The following RBPJ variants were observed in gnomAD, a reference collection of about 807,000 sequenced individuals.
RBPJ encodes recombining binding protein suppressor of hairless.
RBPJ carries 9 observed loss-of-function variants against 67.8 expected under a neutral mutation model. The ratio of observed to expected loss-of-function variants is 0.13; its 90% CI spans 0.08 to 0.23. The LOEUF is 0.23. Ranked by LOEUF, RBPJ falls within the 10% of genes least tolerant of loss-of-function variation. The pLI, the probability that RBPJ is intolerant of heterozygous loss-of-function variation, is 1.00. For synonymous variants in RBPJ, 198 were observed against 203.3 expected (o/e 0.97, Z 0.22); for missense variants, 305 against 595.6 (o/e 0.51, Z 5.08).
At chr4:26,290,305 C>T (rs1202283454) in intron 1 of RBPJ, among the ~76,000 whole-genome samples, 13 of 126,162 alleles carry the variant, frequency 1.0e-4, no homozygotes, top group African/African-American at 3.8e-4. Context: ...CACCACAGAA[C>T]GAGACCCTGT....
At chr4:26,113,353 G>A in the RBPJ span, 1 of 539,784 alleles carries the variant, frequency 1.9e-6, no homozygotes, top group Non-Finnish European at 3.6e-6. Context: ...AAACCTTGTG[G>A]GAGAAGTCAA....
At chr4:26,282,134 CTCTTTTTTTTT>C (rs1442976283) in intron 1 of RBPJ, among the ~76,000 whole-genome samples, 1 of 126,592 alleles carries the variant, frequency 7.9e-6, no homozygotes, top group African/African-American at 3.2e-5. Flanking sequence ...CTCTCTCTCT[CTCTTTTTTTTT>C]TTTTTTTTTT....
upstream of RBPJ, among the ~76,000 whole-genome samples, chr4:26,316,513 A>ATG (rs1463880199): frequency 3.2e-5 from 4 of 125,812 alleles, no homozygotes; most frequent in African/African-American, 1.1e-4. Context: ...ATATATTCAT[A>ATG]TATATTCATA....
intron 1 of RBPJ, among the ~76,000 whole-genome samples, chr4:26,197,118 A>G (rs1717793089): frequency 6.6e-6 from 1 of 152,216 alleles, no homozygotes; most frequent in South Asian, 2.1e-4. Context: ...AGGTTTAATT[A>G]TAATGTTCAT....
At chr4:26,249,716 T>C (rs1321725457) in intron 1 of RBPJ, among the ~76,000 whole-genome samples, 1 of 151,988 alleles carries the variant, frequency 6.6e-6, no homozygotes. Context: ...ACCAACCTAG[T>C]AACTTTTTAA....
intron 1 of RBPJ, among the ~76,000 whole-genome samples, chr4:26,349,130 T>G (rs1054240605): frequency 3.3e-5 from 5 of 151,650 alleles, no homozygotes; most frequent in African/African-American, 1.2e-4. Context: ...TGCAGTGGCG[T>G]TCTCACAGCT....
chr4:26,255,540 A>G (rs184841411), intron 1 of RBPJ, among the ~76,000 whole-genome samples: 8 of 150,368 alleles, frequency 5.3e-5, no homozygotes, highest in African/African-American at 2.0e-4. Flanking sequence ...TGGTGGCTCA[A>G]GCCTGTAATC....
At chr4:26,144,467 G>T in the RBPJ span, among the ~76,000 whole-genome samples, 12 of 151,602 alleles carry the variant, frequency 7.9e-5, no homozygotes, top group African/African-American at 2.9e-4. Flanking sequence ...ATGGGTTTTC[G>T]CCTTGTTGGC....
At chr4:26,181,052 G>C (rs1367675052) in intron 1 of RBPJ, among the ~76,000 whole-genome samples, 3 of 152,062 alleles carry the variant, frequency 2.0e-5, no homozygotes, top group African/African-American at 4.8e-5. Context: ...GCTCTTCCTT[G>C]GTCTTCTGCC....
At chr4:26,154,932 A>T in the RBPJ span, among the ~76,000 whole-genome samples, 3 of 152,204 alleles carry the variant, frequency 2.0e-5, no homozygotes, top group Non-Finnish European at 4.4e-5. Context: ...ACCCCCCACC[A>T]GGCTTCACCT....
Position 26,215,275 on chromosome 4 carries a change from A to G in RBPJ, c.-167+51661A>G, listed in dbSNP as rs1248397843. ...AGAAAGAAAGGAAGGGAGGGAGGAA[A>G]AAGAGAGAGAAAGAAAGAGAAAAAG... On this transcript the variant is annotated intron_variant, in intron 1 of 4. Transcript: ENST00000512351. Among the ~76,000 whole-genome samples the G allele has an allele frequency of 1.7e-4, 2 of 11,920 alleles. 1 individual carries two copies. Among genetic ancestry groups the G allele is most frequent in the Non-Finnish European group, 2.7e-4 (2 of 7,394 alleles). The allele number at this position is 11,920 out of a possible 152,430, so 7.8% of individuals were successfully genotyped here.
At chr4:26,204,423 T>A (rs971831873) in intron 1 of RBPJ, among the ~76,000 whole-genome samples, 1 of 152,188 alleles carries the variant, frequency 6.6e-6, no homozygotes. Context: ...CAGGAAATGA[T>A]TTGCAGAGGA....
intron 1 of RBPJ, among the ~76,000 whole-genome samples, chr4:26,277,989 G>A (rs1721139260): frequency 6.6e-6 from 1 of 152,154 alleles, no homozygotes; most frequent in Non-Finnish European, 1.5e-5. Context: ...TTGTGTGTGT[G>A]TCTTGCCTTC....
the RBPJ span, among the ~76,000 whole-genome samples, chr4:26,146,754 A>C: frequency 6.6e-5 from 10 of 152,254 alleles, no homozygotes; most frequent in East Asian, 1.9e-3. Context: ...AACTACTGTG[A>C]TATGTTGACC....
chr4:26,366,851 C>T (rs1056918154), intron 1 of RBPJ, among the ~76,000 whole-genome samples: 3 of 152,056 alleles, frequency 2.0e-5, no homozygotes, highest in Non-Finnish European at 4.4e-5. Flanking sequence ...ATAGGCCGGG[C>T]GTCGTGTTTC....
At chr4:26,168,141 T>G (rs2109114129) in intron 1 of RBPJ, among the ~76,000 whole-genome samples, 1 of 152,232 alleles carries the variant, frequency 6.6e-6, no homozygotes, top group East Asian at 1.9e-4. Flanking sequence ...ATTTTGCTCG[T>G]TAGTTGATGC....
intron 3 of RBPJ, among the ~76,000 whole-genome samples, 197 bp downstream of exon 3, chr4:26,406,467 CT>C (rs1322023369): frequency 6.6e-6 from 1 of 152,168 alleles, no homozygotes; most frequent in African/African-American, 2.4e-5. Context: ...ATAATTGGTG[CT>C]GTGAAGAAAA....
intron 1 of RBPJ, among the ~76,000 whole-genome samples, chr4:26,326,142 G>A (rs998894811): frequency 2.0e-5 from 3 of 152,052 alleles, no homozygotes; most frequent in African/African-American, 7.2e-5. Context: ...AAAATTGTGT[G>A]TGTGCTTGTG....
At chr4:26,241,204 A>T (rs867937458) in intron 1 of RBPJ, among the ~76,000 whole-genome samples, 14 of 130,230 alleles carry the variant, frequency 1.1e-4, no homozygotes, top group South Asian at 2.3e-4. Context: ...CTCCAAAAAT[A>T]AAAAAAAAAA....
Sources: gnomAD v4.1 joint callset for allele counts (sites outside exome capture counted in the v4.1 genomes callset) on GRCh38, gnomAD v4.1.1 for gene constraint, MANE v1.5 for transcripts, NCBI Gene and HGNC (gene_info 2026-07-23, HGNC 2026-07-21) for gene names.